The following RCAN2 variants were observed in gnomAD, a reference collection of about 807,000 sequenced individuals.
The protein encoded by RCAN2 is calcipressin-2.
A neutral mutation model predicts 23.6 loss-of-function variants in RCAN2; 9 were observed. That is an observed-to-expected ratio of 0.38 (90% confidence interval 0.23 to 0.67). The LOEUF is 0.67. Ranked by LOEUF, RCAN2 falls within the 30% of genes least tolerant of loss-of-function variation. The pLI is 0.51. For missense variants in RCAN2, 273 were observed against 302.3 expected, an observed-to-expected ratio of 0.90 and a Z score of 0.72; for synonymous variants, 109 against 115.7, an observed-to-expected ratio of 0.94 and a Z score of 0.37.
chr6:46,445,192 T>C (rs1386914497), intron 2 of RCAN2, among the ~76,000 whole-genome samples: 1 of 152,172 alleles, frequency 6.6e-6, no homozygotes, highest in African/African-American at 2.4e-5. Context: ...TCAGGCCAGC[T>C]TCTATAGACT....
At chr6:46,337,058 G>A (rs528656608) in intron 2 of RCAN2, among the ~76,000 whole-genome samples, 3 of 151,282 alleles carry the variant, frequency 2.0e-5, no homozygotes, top group Admixed American at 6.6e-5. Flanking sequence ...TTATACAGAT[G>A]ACAAGAGTAC....
At chr6:46,485,225 C>T (rs183837759) in intron 1 of RCAN2, among the ~76,000 whole-genome samples, 35 of 152,118 alleles carry the variant, frequency 2.3e-4, no homozygotes, top group Admixed American at 6.5e-4. Flanking sequence ...AAATGAATTA[C>T]GATAAAATTA....
At position 46,284,723 on chromosome 6, in the gene RCAN2, C is replaced by T. The variant is rs533682130; in HGVS notation, c.226-35827G>A. On this transcript the variant is annotated intron_variant, in intron 2 of 4. Transcript: ENST00000371374. ...GTGCTGGCCGCATGGCATCCACAGC[C>T]TATATCATTTCAGGGCCAGCTACTC... 6.6e-5 allele frequency among the ~76,000 whole-genome samples: 10 copies of T among 152,310 alleles called. No individual in the cohort carries two copies. The East Asian group carries it at 1.9e-3, about 29-fold the overall frequency.
At chr6:46,280,694 C>T (rs1230255307) in intron 2 of RCAN2, among the ~76,000 whole-genome samples, 1 of 152,160 alleles carries the variant, frequency 6.6e-6, no homozygotes, top group African/African-American at 2.4e-5. Flanking sequence ...TATGAAATAT[C>T]AGGGTAGAGA....
rs749885986 is a variant in RCAN2 at position 46,363,699 on chromosome 6, CT to C, written c.225+93052del. Among the ~76,000 whole-genome samples the C allele has an allele frequency of 5.9e-5, 9 of 152,068 alleles. No individual in the cohort carries two copies. In the East Asian group the frequency reaches 1.5e-3, roughly 26 times the overall value. On this transcript the variant is annotated intron_variant, in intron 2 of 4. Coordinates refer to ENST00000371374, the MANE Select transcript of RCAN2 (RefSeq NM_001251974.2). ...CTGTATTTAATTTTGGCATTCGTTT[CT>C]TATCGTTGGGGATTACCTCTATCAT...
At chr6:46,285,851 G>C (rs962954461) in intron 2 of RCAN2, among the ~76,000 whole-genome samples, 1 of 152,184 alleles carries the variant, frequency 6.6e-6, no homozygotes, top group Non-Finnish European at 1.5e-5. Flanking sequence ...GGCAGCTCAA[G>C]AGTTAGACAG....
At chr6:46,410,127 TCTTTGGGCTTAGACTAAAAGTCTAGGC>T (rs1389327414) in intron 2 of RCAN2, among the ~76,000 whole-genome samples, 21 of 152,080 alleles carry the variant, frequency 1.4e-4, no homozygotes, top group Admixed American at 7.9e-4. Context: ...CCCTCTAGGG[TCTTTGGGCTTAGACTAAAAGTCTAGGC>T]CTTTGGGCTT....
chr6:46,258,946 T>C (rs969131010), intron 2 of RCAN2, among the ~76,000 whole-genome samples: 1 of 151,856 alleles, frequency 6.6e-6, no homozygotes, highest in Non-Finnish European at 1.5e-5. Flanking sequence ...AGAGCGGGGG[T>C]GAATCCAAGT....
intron 2 of RCAN2, among the ~76,000 whole-genome samples, chr6:46,263,521 ATGTG>A (rs1166873309): frequency 2.9e-5 from 3 of 105,026 alleles, no homozygotes; most frequent in Non-Finnish European, 5.2e-5. Context: ...GTATGTGTGT[ATGTG>A]TGTGTGTGTG....
chr6:46,301,142 A>C (rs573331657), intron 2 of RCAN2, among the ~76,000 whole-genome samples: 1 of 152,068 alleles, frequency 6.6e-6, no homozygotes, highest in Non-Finnish European at 1.5e-5. Flanking sequence ...GTGGAGATGA[A>C]GGAAAATATT....
intron 2 of RCAN2, among the ~76,000 whole-genome samples, chr6:46,293,039 C>A (rs574389474): frequency 2.0e-5 from 3 of 152,164 alleles, no homozygotes; most frequent in Non-Finnish European, 4.4e-5. Flanking sequence ...CATGTCCCTG[C>A]AAAAGTTATG....
At chr6:46,462,823 G>A (rs1768260597) in intron 1 of RCAN2, among the ~76,000 whole-genome samples, 1 of 152,206 alleles carries the variant, frequency 6.6e-6, no homozygotes, top group Non-Finnish European at 1.5e-5. Flanking sequence ...ATGTGCATGA[G>A]ATTCACATTT....
chr6:46,350,198 T>G (rs1764604786), intron 2 of RCAN2, among the ~76,000 whole-genome samples: 1 of 152,188 alleles, frequency 6.6e-6, no homozygotes, highest in Non-Finnish European at 1.5e-5. Flanking sequence ...TCAAAGCAGC[T>G]CCTCAATAAA....
chr6:46,367,460 A>G lies in RCAN2; in HGVS notation c.225+89292T>C, dbSNP rs530322133. Among the ~76,000 whole-genome samples the G allele has an allele frequency of 7.9e-5, 12 of 152,334 alleles. No homozygotes were observed. In the South Asian group the frequency reaches 1.9e-3, roughly 24 times the overall value. ...TATTTAGAAAGCTCTTGAAAGTCCC[A>G]GTATTAAAATTATGCCCCTGTGGAA... On this transcript the variant is annotated intron_variant, in intron 2 of 4. Transcript: ENST00000371374.
Position 46,292,452 on chromosome 6 carries a change from T to TG in RCAN2, c.226-43557dup, listed in dbSNP as rs545187961. Among the ~76,000 whole-genome samples the TG allele has an allele frequency of 9.6e-3, 1,182 of 123,590 alleles. 21 individuals are homozygous for TG. The highest frequency in any genetic ancestry group is 0.033 in the African/African-American group (1,106 of 33,902). 81.1% of individuals were successfully genotyped at this position (123,590 alleles called of 152,430 possible). ...TTTTTTTTTTTGTTTTTTTTTTTGG[T>TG]GGGGGGGTTGCCCTAAATTGCACAG... On this transcript the variant is annotated intron_variant, in intron 2 of 4. Coordinates refer to ENST00000371374, the MANE Select transcript of RCAN2 (RefSeq NM_001251974.2).
chr6:46,263,497 GTGTGTA>G (rs1561833958), intron 2 of RCAN2, among the ~76,000 whole-genome samples: 13 of 136,168 alleles, frequency 9.5e-5, no homozygotes, highest in African/African-American at 3.1e-4. Flanking sequence ...GTGTGTGTAT[GTGTGTA>G]TGTGTGTGTA....
intron 2 of RCAN2, among the ~76,000 whole-genome samples, chr6:46,431,141 G>C (rs1401507454): frequency 6.6e-6 from 1 of 151,622 alleles, no homozygotes; most frequent in East Asian, 1.9e-4. Flanking sequence ...GTGTGTGTCT[G>C]TGTGTGTGTG....
chr6:46,386,610 C>CAAAA (rs142110760), intron 2 of RCAN2, among the ~76,000 whole-genome samples: 19 of 91,438 alleles, frequency 2.1e-4, no homozygotes, highest in Admixed American at 4.0e-4. Flanking sequence ...CTCTGTCTCA[C>CAAAA]AAAAAAAAAA....
chr6:46,391,412 G>T (rs1765933914), intron 2 of RCAN2, among the ~76,000 whole-genome samples: 1 of 152,136 alleles, frequency 6.6e-6, no homozygotes, highest in East Asian at 1.9e-4. Context: ...GGGGTGCTAG[G>T]AGTGACGTGT....
Sources: gnomAD v4.1 joint callset for allele counts (sites outside exome capture counted in the v4.1 genomes callset) on GRCh38, gnomAD v4.1.1 for gene constraint, MANE v1.5 for transcripts, NCBI Gene and HGNC (gene_info 2026-07-23, HGNC 2026-07-21) for gene names.